Variants in GHDC observed in about 807,000 individuals in gnomAD.
GHDC encodes the protein GH3 domain containing.
GHDC carries 39 observed loss-of-function variants against 51.5 expected under a neutral mutation model. The observed-to-expected ratio is 0.76, with a 90% confidence interval of 0.59 to 0.99. GHDC has a LOEUF of 0.99. Among genes scored for constraint, GHDC ranks in the 50% least tolerant of loss-of-function variants. The pLI, the probability that GHDC is intolerant of heterozygous loss-of-function variation, is 0.00. For synonymous variants in GHDC, 282 were observed against 305.2 expected, an observed-to-expected ratio of 0.92 and a Z score of 0.79; for missense variants, 610 against 672.8, an observed-to-expected ratio of 0.91 and a Z score of 1.03.
In GHDC at chr17:42,193,534, C is replaced by T. The variant is rs2079986775; in HGVS notation, c.48G>A (p.Leu16=). ...GGGACCGCTGCTGCCTGAGCAGGGCCAATGTTGGCAGCAGCAGCAGCAGCA... is the reference window on the plus strand; with the variant it reads ...GGGACCGCTGCTGCCTGAGCAGGGCTAATGTTGGCAGCAGCAGCAGCAGCA... ...LLLLLLLLPT[L]ALLRQQRSQD... The change falls in exon 3 of 10, where the codon TTG becomes TTA. Residue 16 remains leucine (L), a synonymous_variant. Transcript: ENST00000587427. The T allele has an allele frequency of 1.3e-6, 2 of 1,546,508 alleles. No individual in the cohort carries two copies. The highest frequency in any genetic ancestry group is 1.7e-6 in the Non-Finnish European group (2 of 1,147,450).
chr17:42,189,609 G>A lies in GHDC; in HGVS notation c.*94C>T, dbSNP rs1161925558. Reference sequence around the variant, plus strand: ...GCAAATGTCAGGTGACACAGAGTCAGAGACCCTGGCCAAGGACTCCCCATC... The same window carrying A: ...GCAAATGTCAGGTGACACAGAGTCAAAGACCCTGGCCAAGGACTCCCCATC... On this transcript the variant is annotated 3_prime_UTR_variant, in exon 10 of 10. Transcript: ENST00000587427. 1.6e-6 allele frequency: 1 copy of A among 606,502 alleles called. No individual in the cohort carries two copies. Among genetic ancestry groups the A allele is most frequent in the Admixed American group, 3.7e-5 (1 of 27,058 alleles). 37.6% of individuals were successfully genotyped at this position (606,502 alleles called of 1,614,324 possible).
rs1598284550 is a variant in GHDC at position 42,189,777 on chromosome 17, A to T, written c.1519T>A (p.Phe507Ile). ...AGGACCCGGGGCATCGCAGGGGGGA[A>T]GGGGGAGGAGGGGCAGGCAGCGAGG... ...AALAACPSSP[F>I]PPAMPRVLRH... The change falls in exon 10 of 10, where the codon TTC (phenylalanine) becomes ATC (isoleucine). Residue 507 changes from phenylalanine (F) to isoleucine (I), a missense_variant. Phe to Ile is a conservative substitution (Grantham distance 21). Coordinates refer to ENST00000587427, the MANE Select transcript of GHDC (RefSeq NM_032484.5). 1 of 1,535,322 alleles carries T rather than the reference A, an allele frequency of 6.5e-7. No individual in the cohort carries two copies. The highest frequency in any genetic ancestry group is 8.8e-7 in the Non-Finnish European group (1 of 1,139,646).
Position 42,193,540 on chromosome 17 carries a change from T to TGGC in GHDC, c.39_41dup (p.Pro14dup). Reference sequence around the variant, plus strand: ...GCTGCTGCCTGAGCAGGGCCAATGTTGGCAGCAGCAGCAGCAGCAGCAGCA... The same window carrying TGGC: ...GCTGCTGCCTGAGCAGGGCCAATGTTGGCGGCAGCAGCAGCAGCAGCAGCAGCA... On this transcript the variant is annotated inframe_insertion, in exon 3 of 10. Coordinates refer to ENST00000587427, the MANE Select transcript of GHDC (RefSeq NM_032484.5). The TGGC allele has an allele frequency of 6.5e-7, 1 of 1,545,498 alleles. No individual in the cohort carries two copies. Among genetic ancestry groups the TGGC allele is most frequent in the Non-Finnish European group, 8.7e-7 (1 of 1,147,180 alleles).
rs746364091 is a variant in GHDC at position 42,193,303 on chromosome 17, C to T, written c.265+14G>A. The T allele has an allele frequency of 1.3e-6, 2 of 1,581,110 alleles. No individual in the cohort carries two copies. The highest frequency in any genetic ancestry group is 2.3e-5 in the East Asian group (1 of 43,942). On this transcript the variant is annotated intron_variant, in intron 3 of 9. Transcript: ENST00000587427. ...TTCTCTTTGGGTCACCTCCCCAGAC[C>T]CTGGGAAACACACCTGTGCTCCTTC...
intron 6 of GHDC, 38 bp downstream of exon 6, chr17:42,190,980 A>T (rs2079964083): frequency 6.4e-7 from 1 of 1,565,014 alleles, no homozygotes; most frequent in Non-Finnish European, 8.6e-7. Flanking sequence ...GCACGGTCCC[A>T]TAGGGCCCCA....
At chr17:42,192,117 G>T in intron 5 of GHDC, 124 bp downstream of exon 5, 1 of 1,254,726 alleles carries the variant, frequency 8.0e-7, no homozygotes, top group Non-Finnish European at 1.1e-6. Context: ...GGAGGCTGCT[G>T]GCCCTAGCAT....
Position 42,193,000 on chromosome 17 carries a change from G to A in GHDC, c.293C>T (p.Pro98Leu). The change falls in exon 4 of 10, where the codon CCT (proline) becomes CTT (leucine). Residue 98 changes from proline (P) to leucine (L), a missense_variant. Pro to Leu is a moderately conservative substitution (Grantham distance 98). Coordinates refer to ENST00000587427, the MANE Select transcript of GHDC (RefSeq NM_032484.5). ...CTGGGTCTGGCTGGCCTTGGTCAGAGGGAGATGATTCCGGAAGGTGCTTAT... is the reference window on the plus strand; with the variant it reads ...CTGGGTCTGGCTGGCCTTGGTCAGAAGGAGATGATTCCGGAAGGTGCTTAT... ...TDISTFRNHLPLTKASQTQQE... is the reference protein window; with the variant it reads ...TDISTFRNHLLLTKASQTQQE... 1 of 1,614,168 alleles carries A rather than the reference G, an allele frequency of 6.2e-7. No homozygotes were observed. Among genetic ancestry groups the A allele is most frequent in the East Asian group, 2.2e-5 (1 of 44,872 alleles).
chr17:42,193,300 G>T lies in GHDC; in HGVS notation c.265+17C>A, dbSNP rs757689303. The T allele has an allele frequency of 5.8e-5, 91 of 1,578,164 alleles. 1 individual carries two copies. The highest frequency in any genetic ancestry group is 1.8e-5 in the Non-Finnish European group (21 of 1,161,250). ...TCTTTCTCTTTGGGTCACCTCCCCAGACCCTGGGAAACACACCTGTGCTCC... is the reference window on the plus strand; with the variant it reads ...TCTTTCTCTTTGGGTCACCTCCCCATACCCTGGGAAACACACCTGTGCTCC... On this transcript the variant is annotated intron_variant, in intron 3 of 9. Transcript: ENST00000587427.
chr17:42,193,396 C>T lies in GHDC; in HGVS notation c.186G>A (p.Val62=). The change falls in exon 3 of 10, where the codon GTG becomes GTA. Residue 62 remains valine, a synonymous_variant. Transcript: ENST00000587427. ...RRRLEQSTLH[V]HQSQQQALRW... ...TCAGGGCCTGCTGCTGGCTCTGGTG[C>T]ACATGGAGCGTGCTCTGCTCCAGCC... 6.3e-7 allele frequency: 1 copy of T among 1,593,950 alleles called. No individual in the cohort carries two copies. The highest frequency in any genetic ancestry group is 8.5e-7 in the Non-Finnish European group (1 of 1,170,590).
chr17:42,190,440 G>C, intron 8 of GHDC, 170 bp from the exon 9 acceptor site: 1 of 1,471,052 alleles, frequency 6.8e-7, no homozygotes, highest in South Asian at 1.3e-5. Flanking sequence ...TCCTAAATAG[G>C]AGACAGATCA....
At chr17:42,194,262 G>T in intron 1 of GHDC, 131 bp downstream of exon 1, 1 of 152,556 alleles carries the variant, frequency 6.6e-6, no homozygotes. Context: ...AGGGTCGGTC[G>T]GGCACACAGC....
chr17:42,190,820 G>C lies in GHDC; in HGVS notation c.1154+12C>G. 1 of 1,613,602 alleles carries C rather than the reference G, an allele frequency of 6.2e-7. No homozygotes were observed. The highest frequency in any genetic ancestry group is 8.5e-7 in the Non-Finnish European group (1 of 1,179,884). On this transcript the variant is annotated intron_variant, in intron 7 of 9. Transcript: ENST00000587427. Reference sequence around the variant, plus strand: ...CACAAGGATGGCCCTTCAGCTCCCCGGGGTCACCTACCTGCAGATGAACCT... The same window carrying C: ...CACAAGGATGGCCCTTCAGCTCCCCCGGGTCACCTACCTGCAGATGAACCT...
chr17:42,189,738 G>T lies in GHDC; in HGVS notation c.1558C>A (p.Leu520Met), dbSNP rs897254809. Reference protein sequence around the residue: ...AMPRVLRHRHLAQCLQERVVS With the variant: ...AMPRVLRHRHMAQCLQERVVS The stretch of plus-strand genomic sequence containing the variant: ...ACCCTCTCCTGCAGACACTGGGCCA[G>T]GTGCCTGTGCCGAAGGACCCGGGGC... The change falls in exon 10 of 10, where the codon CTG becomes ATG. Residue 520 changes from leucine (L) to methionine (M), a missense_variant. By Grantham distance (15) the Leu-to-Met change is conservative. This residue lies in a region of GHDC where 412 missense variants were observed against 410.4 expected (regional missense o/e 1.00). Coordinates refer to ENST00000587427, the MANE Select transcript of GHDC (RefSeq NM_032484.5). The T allele has an allele frequency of 6.6e-7, 1 of 1,511,090 alleles. No individual in the cohort carries two copies. Among genetic ancestry groups the T allele is most frequent in the Non-Finnish European group, 8.8e-7 (1 of 1,130,208 alleles). The allele number at this position is 1,511,090 out of a possible 1,614,324, so 93.6% of individuals were successfully genotyped here. A position where few individuals can be genotyped will look rare whatever the true frequency, so the allele number is the denominator to read the frequency against.
chr17:42,192,430 G>A lies in GHDC; in HGVS notation c.700C>T (p.Arg234Cys), dbSNP rs776842091. 1.4e-5 allele frequency: 22 copies of A among 1,613,254 alleles called. No individual in the cohort carries two copies. The East Asian group carries it at 2.9e-4, about 21-fold the overall frequency. Residue 234 changes from arginine to cysteine, a missense_variant, in exon 5 of 10, where the codon CGT becomes TGT. Transcript: ENST00000587427. ...IAAGNPGAPL[R>C]ERAAELREAL... ...TCCCGGAGCTCAGCTGCCCGTTCACGGAGAGGCGCTCCAGGGTTCCCGGCA... is the reference window on the plus strand; with the variant it reads ...TCCCGGAGCTCAGCTGCCCGTTCACAGAGAGGCGCTCCAGGGTTCCCGGCA...
At position 42,193,612 on chromosome 17, in the gene GHDC, C is replaced by T. The variant is rs1432473772; in HGVS notation, c.-13-18G>A. On this transcript the variant is annotated intron_variant, in intron 2 of 9. Transcript: ENST00000587427. ...AGCAGCTCCTGGGAAGAGGAAGGAACCGAGATATGGGGGCATGCAGCAATT... is the reference window on the plus strand; with the variant it reads ...AGCAGCTCCTGGGAAGAGGAAGGAATCGAGATATGGGGGCATGCAGCAATT... The T allele has an allele frequency of 2.0e-6, 3 of 1,518,174 alleles. No homozygotes were observed. Among genetic ancestry groups the T allele is most frequent in the African/African-American group, 1.4e-5 (1 of 72,780 alleles). The allele number at this position is 1,518,174 out of a possible 1,614,324, so 94.0% of individuals were successfully genotyped here. A position where few individuals can be genotyped will look rare whatever the true frequency, so the allele number is the denominator to read the frequency against.
Position 42,191,026 on chromosome 17 carries a change from G to A in GHDC, c.1074C>T (p.Ser358=). ...GCTGTGCAGCTGATCACCTGGTGAG[G>A]CTGGCGCGGTCCGTCAGCACCAGCT... The part of the protein sequence containing the change: ...EYELVLTDRA[S]LTRCRLGDVV... The change falls in exon 6 of 10, where the codon AGC becomes AGT. Residue 358 remains serine (S), a synonymous_variant. Transcript: ENST00000587427. The A allele has an allele frequency of 6.3e-7, 1 of 1,577,868 alleles. No individual in the cohort carries two copies. The highest frequency in any genetic ancestry group is 8.6e-7 in the Non-Finnish European group (1 of 1,162,536).
chr17:42,192,010 C>G (rs1598285855), intron 5 of GHDC, among the ~76,000 whole-genome samples: 1 of 151,234 alleles, frequency 6.6e-6, no homozygotes, highest in Non-Finnish European at 1.5e-5. Flanking sequence ...GATCCATCCA[C>G]CTTGGCCTCC....
rs1252159909 is a variant in GHDC, at chr17:42,190,881, G to A, written c.1105C>T (p.Arg369Ter). The A allele has an allele frequency of 2.7e-5, 43 of 1,610,264 alleles. No homozygotes were observed. Among genetic ancestry groups the A allele is most frequent in the Admixed American group, 3.4e-5 (2 of 58,724 alleles). The change falls in exon 7 of 10, where the codon CGA becomes TGA. Residue 369 changes from arginine (R) to a stop codon, truncating the protein, a stop_gained. Coordinates refer to ENST00000587427, the MANE Select transcript of GHDC (RefSeq NM_032484.5). LOFTEE classifies it high-confidence loss of function. Reference sequence around the variant, plus strand: ...CACTGATTGTAGGCACCAACCACTCGCACCACATCACCCAGGCGGCACCTG... The same window carrying A: ...CACTGATTGTAGGCACCAACCACTCACACCACATCACCCAGGCGGCACCTG... ...LTRCRLGDVV[R>*]VVGAYNQCPV... is the part of the protein sequence containing the mutation.
At chr17:42,193,064 C>T (rs1020151881) in intron 3 of GHDC, 37 bp from the exon 4 acceptor site, 1 of 1,613,832 alleles carries the variant, frequency 6.2e-7, no homozygotes, top group South Asian at 1.1e-5. Flanking sequence ...CCTCAGGAAG[C>T]CAGTTTCCCA....
Sources: allele counts gnomAD v4.1 joint callset (sites outside exome capture counted in the v4.1 genomes callset), GRCh38; gene constraint gnomAD v4.1.1; regional missense constraint gnomAD v4.1.1; transcripts MANE v1.5; gene names NCBI Gene and HGNC (gene_info 2026-07-23, HGNC 2026-07-21).